FHIT: variants seen among roughly 807,000 people sequenced by gnomAD.
FHIT encodes the protein fragile histidine triad diadenosine triphosphatase.
Under a neutral mutation model 17.9 loss-of-function variants are expected in FHIT, and 19 were observed. That is an observed-to-expected ratio of 1.06 (90% CI 0.74 to 1.56). The LOEUF is 1.56. FHIT is among the 40% of genes most tolerant of loss of function. The pLI, the probability that FHIT is intolerant of heterozygous loss-of-function variation, is 0.00. For synonymous variants in FHIT, 81 were observed against 69.7 expected (o/e 1.16, Z -0.81); for missense variants, 248 against 189.2 (o/e 1.31, Z -1.82).
intron 5 of FHIT, among the ~76,000 whole-genome samples, chr3:60,445,672 T>TAAATTTA (rs1392700593): frequency 6.6e-6 from 1 of 152,048 alleles, no homozygotes; most frequent in Non-Finnish European, 1.5e-5. Context: ...CTTAAGCCTG[T>TAAATTTA]CTGAACTTGC....
intron 2 of FHIT, among the ~76,000 whole-genome samples, chr3:61,081,175 G>A (rs548422969): frequency 7.9e-5 from 12 of 152,248 alleles, no homozygotes; most frequent in East Asian, 5.8e-4. Flanking sequence ...CAGATTTCCC[G>A]AAGCATAATA....
intron 4 of FHIT, among the ~76,000 whole-genome samples, chr3:60,788,679 G>T (rs1700667340): frequency 2.0e-5 from 3 of 152,048 alleles, no homozygotes; most frequent in African/African-American, 7.2e-5. Flanking sequence ...TCACAGTATA[G>T]CCTAAGTGAA....
chr3:60,972,333 C>T (rs6767142), intron 3 of FHIT, among the ~76,000 whole-genome samples: 33,815 of 151,894 alleles, frequency 0.22, 4,275 homozygotes, highest in African/African-American at 0.35. Context: ...AGGATGTGTT[C>T]GGTAGGTATA....
chr3:59,918,332 A>C (rs1299046352), intron 8 of FHIT, among the ~76,000 whole-genome samples: 1 of 152,166 alleles, frequency 6.6e-6, no homozygotes, highest in Non-Finnish European at 1.5e-5. Flanking sequence ...CAGGTATTGA[A>C]TAATAAAGTA....
intron 8 of FHIT, among the ~76,000 whole-genome samples, chr3:59,810,450 T>A (rs920560469): frequency 6.6e-6 from 1 of 152,172 alleles, no homozygotes; most frequent in African/African-American, 2.4e-5. Flanking sequence ...CTATCTTAAT[T>A]ATGACTTACA....
At chr3:59,962,903 T>C (rs1355295786) in intron 7 of FHIT, among the ~76,000 whole-genome samples, 1 of 152,206 alleles carries the variant, frequency 6.6e-6, no homozygotes, top group African/African-American at 2.4e-5. Flanking sequence ...GTTTGCACTT[T>C]GCATAGGATT....
At chr3:60,343,240 T>G (rs1710614643) in intron 5 of FHIT, among the ~76,000 whole-genome samples, 1 of 152,098 alleles carries the variant, frequency 6.6e-6, no homozygotes. Flanking sequence ...TAGAATCTAC[T>G]GAGATTCTGA....
chr3:60,375,710 G>T (rs1315214755), intron 5 of FHIT, among the ~76,000 whole-genome samples: 1 of 152,182 alleles, frequency 6.6e-6, no homozygotes, highest in East Asian at 1.9e-4. Context: ...GCTGTCTTCT[G>T]CCTGGACTAT....
At chr3:60,566,667 T>C (rs571438642) in intron 4 of FHIT, among the ~76,000 whole-genome samples, 81 of 152,236 alleles carry the variant, frequency 5.3e-4, no homozygotes, top group African/African-American at 1.6e-3. Context: ...GGAAGTCAAA[T>C]TGTCCCTGTT....
At chr3:59,835,872 A>G (rs1701321075) in intron 8 of FHIT, among the ~76,000 whole-genome samples, 1 of 152,180 alleles carries the variant, frequency 6.6e-6, no homozygotes, top group Non-Finnish European at 1.5e-5. Flanking sequence ...GCCAAGCGGT[A>G]CATTACTAAA....
intron 5 of FHIT, among the ~76,000 whole-genome samples, chr3:60,300,446 G>C (rs1708410527): frequency 6.6e-6 from 1 of 152,126 alleles, no homozygotes; most frequent in Admixed American, 6.6e-5. Context: ...CTAATGGAAA[G>C]ATGGTCAGCT....
rs1389300464 is a variant in FHIT at position 59,988,831 on chromosome 3, T to A, written c.279+22540A>T. The stretch of plus-strand genomic sequence containing the variant: ...GGACAAGCCCTCCAAGATAGGGGAA[T>A]GCAGTTAGGGCCTCGAGCAGGAGGA... On this transcript the variant is annotated intron_variant, in intron 7 of 9. Transcript: ENST00000492590. Among the ~76,000 whole-genome samples the A allele has an allele frequency of 3.3e-5, 5 of 152,190 alleles. No individual in the cohort carries two copies. In the East Asian group the frequency reaches 7.8e-4, roughly 24 times the overall value.
At chr3:60,141,739 T>C (rs755950277) in intron 5 of FHIT, among the ~76,000 whole-genome samples, 3 of 152,200 alleles carry the variant, frequency 2.0e-5, no homozygotes, top group Non-Finnish European at 4.4e-5. Context: ...TTTATCCATA[T>C]TTTCCAGTTT....
chr3:61,196,070 G>A (rs2038844890), intron 2 of FHIT, among the ~76,000 whole-genome samples: 1 of 152,120 alleles, frequency 6.6e-6, no homozygotes, highest in Non-Finnish European at 1.5e-5. Context: ...GGAGGCTGTG[G>A]GGACCAGAAG....
intron 4 of FHIT, among the ~76,000 whole-genome samples, chr3:60,702,464 T>C (rs184313056): frequency 6.6e-6 from 1 of 152,202 alleles, no homozygotes; most frequent in East Asian, 1.9e-4. Flanking sequence ...TTCTTTTTTC[T>C]ATATAGGCCT....
Position 60,951,183 on chromosome 3 carries a change from T to C in FHIT, c.-111+90864A>G, listed in dbSNP as rs528012641. On this transcript the variant is annotated intron_variant, in intron 3 of 9. Transcript: ENST00000492590. ...TTTATCATAAGAAAAAAATACTGGA[T>C]ACAAGAAAAAGGGTCTTTTGTATTC... is the stretch of plus-strand genomic sequence containing the variant. 2.6e-5 allele frequency among the ~76,000 whole-genome samples: 4 copies of C among 152,240 alleles called. No homozygotes were observed. The South Asian group carries it at 8.3e-4, about 32-fold the overall frequency.
chr3:60,117,354 A>T (rs1705012498), intron 5 of FHIT, among the ~76,000 whole-genome samples: 1 of 152,174 alleles, frequency 6.6e-6, no homozygotes, highest in African/African-American at 2.4e-5. Context: ...GCCTTTTCCC[A>T]TTTGAAATTT....
At chr3:60,648,884 A>C (rs181060668) in intron 4 of FHIT, among the ~76,000 whole-genome samples, 15 of 152,304 alleles carry the variant, frequency 9.8e-5, no homozygotes, top group Middle Eastern at 3.4e-3. Context: ...TCACTCAGTG[A>C]TAAGGGGCAC....
rs150207108 is a variant in FHIT at position 59,979,528 on chromosome 3, C to T, written c.279+31843G>A. 3.6e-3 allele frequency among the ~76,000 whole-genome samples: 542 copies of T among 152,122 alleles called. 4 individuals are homozygous for T. Among genetic ancestry groups the T allele is most frequent in the African/African-American group, 0.013 (528 of 41,496 alleles). ...TGAGAATAAACAATTTTAGAGAATC[C>T]CTTGGGGACATTTTTTTTCCTATGG... On this transcript the variant is annotated intron_variant, in intron 7 of 9. Transcript: ENST00000492590.
Sources: gnomAD v4.1 joint callset for allele counts (sites outside exome capture counted in the v4.1 genomes callset) on GRCh38, gnomAD v4.1.1 for gene constraint, MANE v1.5 for transcripts, NCBI Gene and HGNC (gene_info 2026-07-23, HGNC 2026-07-21) for gene names.